The following PCDHGA5 variants were observed in gnomAD, a reference collection of about 807,000 sequenced individuals.
PCDHGA5 encodes the protein protocadherin gamma subfamily A, 5.
PCDHGA5 carries 36 observed loss-of-function variants against 56.7 expected under a neutral mutation model. The observed-to-expected ratio is 0.64, with a 90% CI of 0.49 to 0.84. PCDHGA5 has a LOEUF of 0.84. Ranked by LOEUF, PCDHGA5 falls within the 40% of genes least tolerant of loss-of-function variation. The pLI is 0.00. For missense variants in PCDHGA5, 1,305 were observed against 1,201.5 expected (o/e 1.09, Z -1.27); for synonymous variants, 563 against 520.2 (o/e 1.08, Z -1.12).
intron 1 of PCDHGA5, chr5:141,394,860 G>T: frequency 1.2e-6 from 2 of 1,613,792 alleles, no homozygotes; most frequent in Non-Finnish European, 1.7e-6. Context: ...GCCTTCGGTC[G>T]ACCCGAACGA....
chr5:141,478,244 T>C lies in PCDHGA5; in HGVS notation c.2422-16563T>C, dbSNP rs758993366. ...TTCTGTGGGGTTTGTGGTCACAGTG[T>C]TCGGAGTAATCATATTCAAAGTTTA... On this transcript the variant is annotated intron_variant, in intron 1 of 3. Coordinates refer to ENST00000518069, the MANE Select transcript of PCDHGA5 (RefSeq NM_018918.3). 5 of 1,614,132 alleles carry C rather than the reference T, an allele frequency of 3.1e-6. No individual in the cohort carries two copies. In the South Asian group the frequency reaches 4.4e-5, roughly 14 times the overall value.
Position 141,491,657 on chromosome 5 carries a change from A to T in PCDHGA5, c.2422-3150A>T. 1.2e-6 allele frequency: 2 copies of T among 1,613,740 alleles called. No homozygotes were observed. Among genetic ancestry groups the T allele is most frequent in the Non-Finnish European group, 1.7e-6 (2 of 1,180,006 alleles). On this transcript the variant is annotated intron_variant, in intron 1 of 3. Transcript: ENST00000518069. The surrounding 1 kb of genome is among the most constrained non-coding windows in gnomAD (Gnocchi z 6.9). ...CCCACAGCTCTGGCGCTGGAGCCTG[A>T]CGCCATCCGGTCCCGCTCTAATACG...
intron 1 of PCDHGA5, chr5:141,404,430 A>G (rs917902438): frequency 6.2e-7 from 1 of 1,613,298 alleles, no homozygotes; most frequent in African/African-American, 1.3e-5. Context: ...TCCTTGGCAG[A>G]GGATACCATC....
chr5:141,431,660 A>G lies in PCDHGA5; in HGVS notation c.2422-63147A>G. On this transcript the variant is annotated intron_variant, in intron 1 of 3. Transcript: ENST00000518069. This position sits in a 1 kb window ranked among gnomAD's most constrained non-coding sequence, Gnocchi z 4.8. ...CAAACTAGATTGTAATTCAGGGACA[A>G]TATCAACAATAGGGGAGTTGGACCA... 7 of 1,614,256 alleles carry G rather than the reference A, an allele frequency of 4.3e-6. No individual in the cohort carries two copies. The highest frequency in any genetic ancestry group is 5.1e-6 in the Non-Finnish European group (6 of 1,180,046).
chr5:141,394,674 C>G lies in PCDHGA5; in HGVS notation c.2421+27923C>G. ...CGAGCCGGGACTCTTCTCGGTGGGT[C>G]TGCACACGGGCGAGGTGCGCACGGC... On this transcript the variant is annotated intron_variant, in intron 1 of 3. Transcript: ENST00000518069. 1 of 1,612,758 alleles carries G rather than the reference C, an allele frequency of 6.2e-7. No individual in the cohort carries two copies. The highest frequency in any genetic ancestry group is 8.5e-7 in the Non-Finnish European group (1 of 1,179,752).
At chr5:141,392,721 G>A (rs1169584002) in intron 1 of PCDHGA5, 25 of 1,390,348 alleles carry the variant, frequency 1.8e-5, no homozygotes, top group South Asian at 3.2e-5. Context: ...CAGGTTTCCG[G>A]AGGATTGTCA....
At chr5:141,440,428 C>A (rs1001845529) in intron 1 of PCDHGA5, 1 of 152,132 alleles carries the variant, frequency 6.6e-6, no homozygotes, top group Non-Finnish European at 1.5e-5. Context: ...GCCTGGGTGA[C>A]AGAGCAAGGC....
At position 141,476,791 on chromosome 5, in the gene PCDHGA5, C is replaced by A. The variant is rs766227340; in HGVS notation, c.2422-18016C>A. 1 of 1,613,512 alleles carries A rather than the reference C, an allele frequency of 6.2e-7. No individual in the cohort carries two copies. Among genetic ancestry groups the A allele is most frequent in the Non-Finnish European group, 8.5e-7 (1 of 1,180,014 alleles). On this transcript the variant is annotated intron_variant, in intron 1 of 3. Transcript: ENST00000518069. This position sits in a 1 kb window ranked among gnomAD's most constrained non-coding sequence, Gnocchi z 7.6. ...TGGACGGAGGGACCCCAGCTCTCTC[C>A]GCCAGCCTGCCTATTCACATCAAGG...
Position 141,376,812 on chromosome 5 carries a change from T to G in PCDHGA5, c.2421+10061T>G, listed in dbSNP as rs62378423. ...CGCCATTCTCCTGCCTCAGCCTCCC[T>G]AGTAGCTGGGACTACAGGCGCCCGC... On this transcript the variant is annotated intron_variant, in intron 1 of 3. Coordinates refer to ENST00000518069, the MANE Select transcript of PCDHGA5 (RefSeq NM_018918.3). 3.9e-4 allele frequency: 120 copies of G among 303,828 alleles called. 2 individuals carry two copies. In the South Asian group the frequency reaches 4.4e-3, roughly 11 times the overall value. The allele number at this position is 303,828 out of a possible 1,614,324, so 18.8% of individuals were successfully genotyped here.
At chr5:141,466,965 C>A (rs1345790988) in intron 1 of PCDHGA5, among the ~76,000 whole-genome samples, 1 of 152,016 alleles carries the variant, frequency 6.6e-6, no homozygotes, top group East Asian at 1.9e-4. Context: ...CAAATATTTT[C>A]TCACAGCTCA....
intron 1 of PCDHGA5, among the ~76,000 whole-genome samples, chr5:141,425,555 A>T (rs1282440598): frequency 6.6e-6 from 1 of 152,270 alleles, no homozygotes; most frequent in African/African-American, 2.4e-5. Flanking sequence ...AACCTCTTTT[A>T]TAAGTGATAA....
At chr5:141,389,114 C>T in intron 1 of PCDHGA5, 2 of 1,614,004 alleles carry the variant, frequency 1.2e-6, no homozygotes, top group Non-Finnish European at 1.7e-6. Context: ...TTCTAGACCG[C>T]GAGCAGAATC....
chr5:141,371,736 A>T (rs777064173), intron 1 of PCDHGA5: 4 of 1,614,042 alleles, frequency 2.5e-6, no homozygotes, highest in Non-Finnish European at 3.4e-6. Context: ...TGTCAACGAC[A>T]ACGTTCCCGT....
At chr5:141,406,547 A>G (rs1414255326) in intron 1 of PCDHGA5, among the ~76,000 whole-genome samples, 1 of 152,216 alleles carries the variant, frequency 6.6e-6, no homozygotes, top group Non-Finnish European at 1.5e-5. Flanking sequence ...TTCAAACTTC[A>G]GTTATCCACT....
chr5:141,459,076 C>T (rs1474375780), intron 1 of PCDHGA5, among the ~76,000 whole-genome samples: 1 of 152,144 alleles, frequency 6.6e-6, no homozygotes, highest in Non-Finnish European at 1.5e-5. Context: ...ATAAAATTTG[C>T]CTTTTAAAAT....
intron 1 of PCDHGA5, chr5:141,382,817 A>G (rs1778464992): frequency 3.9e-6 from 5 of 1,269,918 alleles, no homozygotes; most frequent in Non-Finnish European, 4.4e-6. Flanking sequence ...TCCCCTTCCT[A>G]AGACAGAGGG....
Position 141,390,134 on chromosome 5 carries a change from C to T in PCDHGA5, c.2421+23383C>T, listed in dbSNP as rs758087998. ...GCGAGGGGACTTTGCCTTATTCCTACAATCTATGTGTTGCACATACAGGAA... is the reference window on the plus strand; with the variant it reads ...GCGAGGGGACTTTGCCTTATTCCTATAATCTATGTGTTGCACATACAGGAA... On this transcript the variant is annotated intron_variant, in intron 1 of 3. Coordinates refer to ENST00000518069, the MANE Select transcript of PCDHGA5 (RefSeq NM_018918.3). The T allele has an allele frequency of 1.2e-5, 20 of 1,613,930 alleles. No homozygotes were observed. The Admixed American group carries it at 1.8e-4, about 15-fold the overall frequency.
Position 141,490,008 on chromosome 5 carries a change from C to T in PCDHGA5, c.2422-4799C>T. 6.2e-7 allele frequency: 1 copy of T among 1,614,230 alleles called. No homozygotes were observed. ...GTGTGGGAATCCCAGAGAATGCACC[C>T]ATTGGTACTCTGCTGCTCCGCCTCA... On this transcript the variant is annotated intron_variant, in intron 1 of 3. Transcript: ENST00000518069. This position sits in a 1 kb window ranked among gnomAD's most constrained non-coding sequence, Gnocchi z 5.4.
intron 1 of PCDHGA5, chr5:141,417,045 A>G (rs890407837): frequency 7.2e-5 from 11 of 152,144 alleles, no homozygotes; most frequent in Admixed American, 1.3e-4. Context: ...TTTTAAAAAA[A>G]ACTGCTCTTG....
Sources: gnomAD v4.1 joint callset for allele counts (sites outside exome capture counted in the v4.1 genomes callset) on GRCh38, gnomAD v4.1.1 for gene constraint, Gnocchi (gnomAD v3.1) non-coding constraint, MANE v1.5 for transcripts, NCBI Gene and HGNC (gene_info 2026-07-23, HGNC 2026-07-21) for gene names.